Variants in ERO1A observed in about 807,000 individuals in gnomAD.
ERO1A encodes endoplasmic reticulum oxidoreductase 1 alpha, also known as ERO1-like protein alpha.
ERO1A carries 49 observed loss-of-function variants against 76.9 expected under a neutral mutation model. The observed-to-expected ratio is 0.64, with a 90% CI of 0.51 to 0.81. The LOEUF (loss-of-function observed/expected upper bound fraction) is 0.81. ERO1A is among the 30% of genes least tolerant of loss of function. ERO1A has a pLI of 0.00. For synonymous variants in ERO1A, 174 were observed against 181.2 expected (o/e 0.96, Z 0.32); for missense variants, 448 against 542.1 (o/e 0.83, Z 1.72).
chr14:52,686,126 C>T (rs975786471), intron 1 of ERO1A, among the ~76,000 whole-genome samples: 6 of 152,128 alleles, frequency 3.9e-5, no homozygotes, highest in African/African-American at 1.4e-4. Context: ...GCAGGAGAAT[C>T]GCTTGAACCC....
At chr14:52,649,174 G>A (rs1264736626) in intron 13 of ERO1A, among the ~76,000 whole-genome samples, 1 of 152,160 alleles carries the variant, frequency 6.6e-6, no homozygotes, top group African/African-American at 2.4e-5. Flanking sequence ...TCAATAGAAT[G>A]ATCAAGCATG....
intron 3 of ERO1A, among the ~76,000 whole-genome samples, chr14:52,679,418 AT>A (rs3064778): frequency 0.15 from 22,637 of 146,710 alleles, 1,889 homozygotes; most frequent in African/African-American, 0.24. Flanking sequence ...CCTTCCAATG[AT>A]TTTTTTTTTT....
At chr14:52,645,847 TACACACACACAC>T (rs113770296) in intron 15 of ERO1A, among the ~76,000 whole-genome samples, 13 of 145,230 alleles carry the variant, frequency 9.0e-5, no homozygotes, top group East Asian at 6.3e-4. Flanking sequence ...CTACTAAAAA[TACACACACACAC>T]ACACACACAC....
chr14:52,679,642 C>T (rs2040922110), intron 3 of ERO1A, among the ~76,000 whole-genome samples: 1 of 152,130 alleles, frequency 6.6e-6, no homozygotes, highest in African/African-American at 2.4e-5. Context: ...AAGTGATCTG[C>T]CTGCCTTGGC....
In ERO1A at chr14:52,695,376, A is replaced by G. The variant is rs1387540506; in HGVS notation, c.106T>C (p.Phe36Leu). 23 of 1,479,380 alleles carry G rather than the reference A, an allele frequency of 1.6e-5. No individual in the cohort carries two copies. Among genetic ancestry groups the G allele is most frequent in the Non-Finnish European group, 1.5e-5 (17 of 1,106,154 alleles). 91.6% of individuals were successfully genotyped at this position (1,479,380 alleles called of 1,614,324 possible). Residue 36 changes from phenylalanine to leucine, a missense_variant, in exon 1 of 16, where the codon TTC becomes CTC. By Grantham distance (22) the Phe-to-Leu change is conservative (BLOSUM62 0). This residue lies in a region of ERO1A where 146 missense variants were observed against 130.2 expected (regional missense o/e 1.12). Coordinates refer to ENST00000395686, the MANE Select transcript of ERO1A (RefSeq NM_014584.3). ...QPPETAAQRC[F>L]CQVSGYLDDC... ...ACGCGCACATCGCTCACCTGGCAGA[A>G]GCACCTCTGTGCCGCTGTCTCCGGG...
chr14:52,644,323 G>A (rs921307213), intron 15 of ERO1A, among the ~76,000 whole-genome samples: 9 of 152,088 alleles, frequency 5.9e-5, no homozygotes, highest in African/African-American at 2.2e-4. Context: ...GCATGGTGGC[G>A]TGTGCCTGTA....
intron 1 of ERO1A, among the ~76,000 whole-genome samples, chr14:52,693,683 G>A (rs1370692753): frequency 6.6e-6 from 1 of 151,638 alleles, no homozygotes. Context: ...TTTTTGTAGA[G>A]ACGGGGGTTT....
intron 4 of ERO1A, among the ~76,000 whole-genome samples, chr14:52,672,985 A>G (rs2040659135): frequency 6.6e-6 from 1 of 152,142 alleles, no homozygotes; most frequent in Non-Finnish European, 1.5e-5. Context: ...CAATTTCTGA[A>G]TCATATTAAA....
At chr14:52,661,268 G>T in intron 9 of ERO1A, 25 bp downstream of exon 9, 1 of 1,005,310 alleles carries the variant, frequency 9.9e-7, no homozygotes, top group Non-Finnish European at 1.4e-6. Context: ...ATTCATATAT[G>T]TAATATATAA....
At chr14:52,663,127 C>T (rs1360982766) in intron 8 of ERO1A, among the ~76,000 whole-genome samples, 1 of 152,042 alleles carries the variant, frequency 6.6e-6, no homozygotes, top group African/African-American at 2.4e-5. Context: ...AAGTTGAAAT[C>T]AGATGCCCAA....
chr14:52,683,168 C>A (rs1256864619), intron 2 of ERO1A, among the ~76,000 whole-genome samples: 2 of 151,902 alleles, frequency 1.3e-5, no homozygotes, highest in African/African-American at 4.8e-5. Context: ...GAGATCATGC[C>A]ACTGCACTCC....
rs1156740628 is a variant in ERO1A at position 52,643,542 on chromosome 14, G to A, written c.*28C>T. On this transcript the variant is annotated 3_prime_UTR_variant, in exon 16 of 16. Coordinates refer to ENST00000395686, the MANE Select transcript of ERO1A (RefSeq NM_014584.3). ...TCCACTCTTTCGCCTCCATTGTCCA[G>A]AAACAGGCACATATCAGCTTGTTTT... 12 of 1,436,874 alleles carry A rather than the reference G, an allele frequency of 8.4e-6. No individual in the cohort carries two copies. The highest frequency in any genetic ancestry group is 2.9e-5 in the Admixed American group (1 of 34,762). 89.0% of individuals were successfully genotyped at this position (1,436,874 alleles called of 1,614,324 possible).
chr14:52,680,428 C>T (rs1220671071), intron 3 of ERO1A, among the ~76,000 whole-genome samples: 3 of 152,082 alleles, frequency 2.0e-5, no homozygotes, highest in Non-Finnish European at 4.4e-5. Flanking sequence ...CAAATGGTGT[C>T]CCCTAGTTCT....
At chr14:52,658,562 T>C in intron 9 of ERO1A, 1 of 161,246 alleles carries the variant, frequency 6.2e-6, no homozygotes, top group Non-Finnish European at 1.3e-5. Flanking sequence ...TAAGACAGTA[T>C]TGGAGGGGTA....
intron 4 of ERO1A, among the ~76,000 whole-genome samples, chr14:52,674,131 A>T (rs2040701648): frequency 6.6e-6 from 1 of 152,232 alleles, no homozygotes; most frequent in Non-Finnish European, 1.5e-5. Flanking sequence ...ACTAGCATTC[A>T]CAATAGTGAC....
At chr14:52,661,119 C>A (rs183784219) in intron 9 of ERO1A, among the ~76,000 whole-genome samples, 174 bp downstream of exon 9, 84 of 152,294 alleles carry the variant, frequency 5.5e-4, no homozygotes, top group African/African-American at 2.0e-3. Flanking sequence ...TGAACCCAGA[C>A]ACAAAGTCAC....
chr14:52,688,802 G>A (rs750310074), intron 1 of ERO1A, among the ~76,000 whole-genome samples: 5 of 152,112 alleles, frequency 3.3e-5, no homozygotes, highest in African/African-American at 4.8e-5. Context: ...ACCACGTACC[G>A]CTTGTTCACT....
At chr14:52,678,979 A>G (rs953633738) in intron 3 of ERO1A, among the ~76,000 whole-genome samples, 11 of 152,194 alleles carry the variant, frequency 7.2e-5, no homozygotes, top group African/African-American at 2.4e-4. Context: ...TCTAGAAGTA[A>G]TAAGTTCTAT....
intron 1 of ERO1A, among the ~76,000 whole-genome samples, chr14:52,687,177 G>A (rs908317792): frequency 1.3e-5 from 2 of 152,216 alleles, no homozygotes; most frequent in African/African-American, 2.4e-5. Context: ...CCTGTAATCA[G>A]CACTTTGGGA....
Sources: gnomAD v4.1 joint callset for allele counts (sites outside exome capture counted in the v4.1 genomes callset) on GRCh38, gnomAD v4.1.1 for gene constraint, gnomAD v4.1.1 regional missense constraint, MANE v1.5 for transcripts, NCBI Gene and HGNC (gene_info 2026-07-23, HGNC 2026-07-21) for gene names.